ADCY9: variants seen among roughly 807,000 people sequenced by gnomAD.
ADCY9 encodes the protein adenylate cyclase type 9.
ADCY9 carries 50 observed loss-of-function variants against 101.5 expected under a neutral mutation model. That is an observed-to-expected ratio of 0.49 (90% CI 0.39 to 0.62). The LOEUF (loss-of-function observed/expected upper bound fraction) is 0.62. ADCY9 is among the 20% of genes least tolerant of loss of function. ADCY9 has a pLI of 0.00. For synonymous variants in ADCY9, 905 were observed against 769.3 expected (o/e 1.18, Z -2.92); for missense variants, 1,662 against 1,800.4 (o/e 0.92, Z 1.39).
At chr16:4,109,909 C>T (rs2057102486) in intron 2 of ADCY9, among the ~76,000 whole-genome samples, 1 of 152,188 alleles carries the variant, frequency 6.6e-6, no homozygotes, top group African/African-American at 2.4e-5. Flanking sequence ...AATGCAAACT[C>T]CTTCCCACGC....
chr16:4,076,287 A>G (rs1460363157), intron 2 of ADCY9, among the ~76,000 whole-genome samples: 2 of 152,234 alleles, frequency 1.3e-5, no homozygotes, highest in Non-Finnish European at 2.9e-5. Context: ...TCTCTGTTAG[A>G]AAAGCTAACA....
intron 2 of ADCY9, among the ~76,000 whole-genome samples, chr16:4,038,316 G>C (rs1315547647): frequency 6.6e-6 from 1 of 151,820 alleles, no homozygotes; most frequent in Non-Finnish European, 1.5e-5. Context: ...TCTTTAGGAG[G>C]TAAGGAAGAA....
At chr16:4,013,906 C>T (rs2056420247) in intron 2 of ADCY9, among the ~76,000 whole-genome samples, 1 of 152,184 alleles carries the variant, frequency 6.6e-6, no homozygotes, top group Admixed American at 6.5e-5. Context: ...GTCCTTCCTA[C>T]TCATATGCAC....
rs191080276 is a variant in ADCY9 at position 4,070,423 on chromosome 16, T to C, written c.1693+43327A>G. Among the ~76,000 whole-genome samples the C allele has an allele frequency of 2.1e-3, 327 of 152,326 alleles. 1 individual carries two copies. Among genetic ancestry groups the C allele is most frequent in the Non-Finnish European group, 3.6e-3 (247 of 68,032 alleles). ...TGGATGAAAGTTTCAAATAATATTATGTTATAAACCTTATATAATTACTGA... is the reference window on the plus strand; with the variant it reads ...TGGATGAAAGTTTCAAATAATATTACGTTATAAACCTTATATAATTACTGA... On this transcript the variant is annotated intron_variant, in intron 2 of 10. Coordinates refer to ENST00000294016, the MANE Select transcript of ADCY9 (RefSeq NM_001116.4).
chr16:4,100,450 C>T (rs1362089122), intron 2 of ADCY9, among the ~76,000 whole-genome samples: 1 of 152,112 alleles, frequency 6.6e-6, no homozygotes, highest in Admixed American at 6.6e-5. Flanking sequence ...CTGCCTCAGC[C>T]TCCCAAGTAG....
chr16:4,094,052 C>A (rs942783715), intron 2 of ADCY9, among the ~76,000 whole-genome samples: 1 of 152,098 alleles, frequency 6.6e-6, no homozygotes. Flanking sequence ...ACTCATCAGC[C>A]CTGAAAGTGT....
intron 7 of ADCY9, chr16:3,981,908 C>T (rs1425298850): frequency 1.3e-5 from 2 of 152,234 alleles, no homozygotes; most frequent in African/African-American, 2.4e-5. Flanking sequence ...CAGCCTAAAG[C>T]TGATCTTTTT....
At chr16:4,059,376 A>G (rs2141158717) in intron 2 of ADCY9, among the ~76,000 whole-genome samples, 1 of 77,348 alleles carries the variant, frequency 1.3e-5, no homozygotes, top group East Asian at 2.7e-4. Flanking sequence ...GCGAGAATCC[A>G]TCGAAAAAAA....
At chr16:3,976,750 C>T (rs2056095569) in intron 9 of ADCY9, among the ~76,000 whole-genome samples, 1 of 152,164 alleles carries the variant, frequency 6.6e-6, no homozygotes, top group Admixed American at 6.5e-5. Flanking sequence ...CTCCGCCTCC[C>T]GGGTACAAGC....
intron 10 of ADCY9, among the ~76,000 whole-genome samples, chr16:3,972,108 C>T (rs537749282): frequency 2.0e-5 from 3 of 152,242 alleles, no homozygotes; most frequent in East Asian, 1.9e-4. Context: ...GAAACAGGTA[C>T]GAGGACAGCT....
intron 2 of ADCY9, among the ~76,000 whole-genome samples, chr16:4,042,792 GT>G (rs1395415954): frequency 6.6e-6 from 1 of 152,214 alleles, no homozygotes; most frequent in African/African-American, 2.4e-5. Flanking sequence ...AGTGTAGGAT[GT>G]GACTTTACCT....
chr16:4,100,068 A>G (rs767438165), intron 2 of ADCY9, among the ~76,000 whole-genome samples: 2 of 152,244 alleles, frequency 1.3e-5, no homozygotes, highest in Non-Finnish European at 2.9e-5. Flanking sequence ...GGAGGGGACT[A>G]GATCATGGGG....
At position 3,989,022 on chromosome 16, in the gene ADCY9, C is replaced by G. The variant is rs1482479944; in HGVS notation, c.2282G>C (p.Arg761Pro). Residue 761 changes from arginine to proline, a missense_variant, in exon 6 of 11, where the codon CGA becomes CCA. This residue lies in a region of ADCY9 where 624 missense variants were observed against 639.1 expected (regional missense o/e 0.98). Transcript: ENST00000294016. ...SLNFLDQELE[R>P]SYRTSYQEEV... ...TTCCTGATAGCTGGTCCTGTAGGAT[C>G]GCTCCAGCTCCTGATCCAGGAAGTT... is the stretch of plus-strand genomic sequence containing the variant. The G allele has an allele frequency of 6.2e-7, 1 of 1,613,872 alleles. No homozygotes were observed. The highest frequency in any genetic ancestry group is 1.7e-5 in the Admixed American group (1 of 60,012).
intron 2 of ADCY9, among the ~76,000 whole-genome samples, chr16:4,102,894 G>C (rs1247569595): frequency 6.6e-6 from 1 of 151,812 alleles, no homozygotes; most frequent in Admixed American, 6.6e-5. Context: ...GCTAATTATA[G>C]TATTTTTAGG....
chr16:3,960,696 T>C (rs1044045188), downstream of ADCY9, among the ~76,000 whole-genome samples: 1 of 152,176 alleles, frequency 6.6e-6, no homozygotes, highest in Admixed American at 6.5e-5. Context: ...ACTGAGACTC[T>C]AACAGGCACG....
chr16:4,093,747 A>G (rs1269344636), intron 2 of ADCY9, among the ~76,000 whole-genome samples: 1 of 152,214 alleles, frequency 6.6e-6, no homozygotes, highest in African/African-American at 2.4e-5. Context: ...CGACAGAGCC[A>G]GACGCTGTCT....
intron 10 of ADCY9, among the ~76,000 whole-genome samples, chr16:3,970,447 C>T (rs1266957787): frequency 6.6e-6 from 1 of 152,170 alleles, no homozygotes; most frequent in Non-Finnish European, 1.5e-5. Flanking sequence ...TTGCCTCAGC[C>T]TCCCGAGTAG....
At chr16:3,974,636 T>C in intron 10 of ADCY9, 33 bp downstream of exon 10, 1 of 1,591,948 alleles carries the variant, frequency 6.3e-7, no homozygotes, top group Non-Finnish European at 8.6e-7. Context: ...CACTCTCGTT[T>C]ATTCAGACAG....
At chr16:4,025,562 G>A (rs1009142468) in intron 2 of ADCY9, among the ~76,000 whole-genome samples, 1 of 152,180 alleles carries the variant, frequency 6.6e-6, no homozygotes, top group African/African-American at 2.4e-5. Context: ...TGTGTGCAAG[G>A]TGGAGAAGGC....
Sources: gnomAD v4.1 joint callset for allele counts (sites outside exome capture counted in the v4.1 genomes callset) on GRCh38, gnomAD v4.1.1 for gene constraint, gnomAD v4.1.1 regional missense constraint, MANE v1.5 for transcripts, NCBI Gene and HGNC (gene_info 2026-07-23, HGNC 2026-07-21) for gene names.